Variants in SGCD observed in about 807,000 individuals in gnomAD.
The protein encoded by SGCD is sarcoglycan delta, also known as delta-sarcoglycan.
Under a neutral mutation model 36.6 loss-of-function variants are expected in SGCD, and 18 were observed. That is an observed-to-expected ratio of 0.49 (90% CI 0.34 to 0.73). The LOEUF is 0.73. Among genes scored for constraint, SGCD ranks in the 30% least tolerant of loss-of-function variants. SGCD has a pLI of 0.01. For synonymous variants in SGCD, 133 were observed against 130.6 expected, an observed-to-expected ratio of 1.02 and a Z score of -0.12; for missense variants, 387 against 346.7, an observed-to-expected ratio of 1.12 and a Z score of -0.92.
At chr5:156,629,740 G>T (rs1762558820) in intron 6 of SGCD, among the ~76,000 whole-genome samples, 1 of 151,688 alleles carries the variant, frequency 6.6e-6, no homozygotes, top group East Asian at 1.9e-4. Flanking sequence ...GTAATCAAAT[G>T]AATATGGCTG....
intron 3 of SGCD, among the ~76,000 whole-genome samples, chr5:156,436,806 A>G (rs1425999531): frequency 6.6e-6 from 1 of 152,170 alleles, no homozygotes; most frequent in Non-Finnish European, 1.5e-5. Flanking sequence ...AATTTTTGAT[A>G]GTTGACATGT....
At chr5:156,570,290 A>C (rs966957673) in intron 4 of SGCD, among the ~76,000 whole-genome samples, 3 of 147,210 alleles carry the variant, frequency 2.0e-5, no homozygotes, top group African/African-American at 7.5e-5. Context: ...AAAATAACGT[A>C]GATTCTCAAT....
intron 3 of SGCD, among the ~76,000 whole-genome samples, chr5:156,393,096 C>G (rs752568008): frequency 1.3e-5 from 2 of 152,196 alleles, no homozygotes; most frequent in Admixed American, 6.5e-5. Flanking sequence ...TTCCCTGCCC[C>G]GCTTCCATAT....
the SGCD span, among the ~76,000 whole-genome samples, chr5:155,815,880 GAAA>G: frequency 1.3e-5 from 2 of 150,840 alleles, no homozygotes; most frequent in East Asian, 1.9e-4. Flanking sequence ...AGGCTGGAAA[GAAA>G]AAAAAAGTCA....
At chr5:156,368,824 G>A (rs1770241706) in intron 3 of SGCD, among the ~76,000 whole-genome samples, 1 of 152,150 alleles carries the variant, frequency 6.6e-6, no homozygotes, top group African/African-American at 2.4e-5. Flanking sequence ...ATGGTTGCAG[G>A]AAAACAAGCT....
At chr5:156,125,981 G>T (rs1762161750) in intron 3 of SGCD, among the ~76,000 whole-genome samples, 1 of 151,450 alleles carries the variant, frequency 6.6e-6, no homozygotes, top group Non-Finnish European at 1.5e-5. Context: ...AGGTACAAGT[G>T]ATTCTTCTGC....
intron 1 of SGCD, among the ~76,000 whole-genome samples, chr5:155,956,802 C>G (rs887519730): frequency 7.3e-5 from 11 of 150,518 alleles, no homozygotes; most frequent in African/African-American, 2.4e-4. Flanking sequence ...TCAGGGCCCC[C>G]CCCCCCGGTT....
the SGCD span, among the ~76,000 whole-genome samples, chr5:155,847,636 T>C: frequency 6.6e-6 from 1 of 152,070 alleles, no homozygotes; most frequent in Admixed American, 6.6e-5. Flanking sequence ...TCTGAGCCAG[T>C]GTGTAAGAAG....
the SGCD span, among the ~76,000 whole-genome samples, chr5:155,743,461 C>A: frequency 1.3e-5 from 2 of 152,162 alleles, no homozygotes; most frequent in Non-Finnish European, 2.9e-5. Context: ...CATTATGTCA[C>A]AATAACACAA....
intron 4 of SGCD, among the ~76,000 whole-genome samples, chr5:156,524,223 TAAAG>T (rs1297165556): frequency 4.4e-5 from 6 of 136,196 alleles, no homozygotes; most frequent in Non-Finnish European, 6.3e-5. Context: ...TTTATATATA[TAAAG>T]AGAGAGTAAT....
chr5:155,904,296 C>A (rs1756452834), intron 1 of SGCD, among the ~76,000 whole-genome samples: 1 of 152,210 alleles, frequency 6.6e-6, no homozygotes, highest in Admixed American at 6.5e-5. Context: ...ATAGAACTTA[C>A]CACTGCAATG....
At chr5:155,745,966 C>T in the SGCD span, among the ~76,000 whole-genome samples, 1 of 152,184 alleles carries the variant, frequency 6.6e-6, no homozygotes, top group African/African-American at 2.4e-5. Context: ...CTCAGAAAAT[C>T]CTCTCCTGTG....
At chr5:156,492,441 C>G (rs1393231552) in intron 3 of SGCD, among the ~76,000 whole-genome samples, 1 of 152,056 alleles carries the variant, frequency 6.6e-6, no homozygotes, top group African/African-American at 2.4e-5. Flanking sequence ...CCGCAAAAAT[C>G]AATATTTCGA....
rs369516557 is a variant in SGCD, at chr5:156,574,491, GGGTTACT to G, written c.295-14735_295-14729del. 3.0e-3 allele frequency among the ~76,000 whole-genome samples: 456 copies of G among 152,224 alleles called. 3 individuals carry two copies. The highest frequency in any genetic ancestry group is 0.01 in the African/African-American group (436 of 41,526). ...AAAGAAACTAAGGCTGTGTAATCTA[GGGTTACT>G]GGTTCAGAAATAGCACAGCTAGGAT... is the stretch of plus-strand genomic sequence containing the variant. On this transcript the variant is annotated intron_variant, in intron 4 of 8. Transcript: ENST00000337851.
At chr5:156,206,785 T>C (rs866251017) in intron 3 of SGCD, among the ~76,000 whole-genome samples, 1 of 151,966 alleles carries the variant, frequency 6.6e-6, no homozygotes, top group Non-Finnish European at 1.5e-5. Context: ...AGGATTTGTA[T>C]GGCATAGAGC....
chr5:155,972,660 C>CA (rs1373853175), intron 1 of SGCD, among the ~76,000 whole-genome samples: 1 of 151,856 alleles, frequency 6.6e-6, no homozygotes, highest in African/African-American at 2.4e-5. Context: ...TAAAATCTTA[C>CA]AAAAATTACA....
chr5:156,021,468 T>A (rs1051271633), intron 1 of SGCD, among the ~76,000 whole-genome samples: 1 of 152,118 alleles, frequency 6.6e-6, no homozygotes, highest in African/African-American at 2.4e-5. Context: ...TGCAGTGAGC[T>A]GTGATCACAG....
intron 6 of SGCD, among the ~76,000 whole-genome samples, chr5:156,612,085 G>A (rs947570712): frequency 3.8e-4 from 58 of 152,110 alleles, no homozygotes; most frequent in African/African-American, 1.3e-3. Context: ...ATTTTTGGGA[G>A]GGGGTCTGTT....
At chr5:156,556,153 C>T (rs770469123) in intron 4 of SGCD, among the ~76,000 whole-genome samples, 64 of 149,260 alleles carry the variant, frequency 4.3e-4, no homozygotes, top group Middle Eastern at 3.5e-3. Context: ...ATTAGAGATA[C>T]GCTCAGAGTC....
Sources: gnomAD v4.1 joint callset for allele counts (sites outside exome capture counted in the v4.1 genomes callset) on GRCh38, gnomAD v4.1.1 for gene constraint, MANE v1.5 for transcripts, NCBI Gene and HGNC (gene_info 2026-07-23, HGNC 2026-07-21) for gene names.